Variants in SLIT2 observed in about 807,000 individuals in gnomAD.
SLIT2 encodes the protein slit homolog 2 protein.
A neutral mutation model predicts 185.7 loss-of-function variants in SLIT2; 41 were observed. The observed-to-expected ratio is 0.22, with a 90% CI of 0.17 to 0.29. The LOEUF (loss-of-function observed/expected upper bound fraction) is 0.29. Ranked by LOEUF, SLIT2 falls within the 10% of genes least tolerant of loss-of-function variation. The pLI is 1.00. For missense variants in SLIT2, 1,571 were observed against 1,909.0 expected, an observed-to-expected ratio of 0.82 and a Z score of 3.30; for synonymous variants, 693 against 680.2, an observed-to-expected ratio of 1.02 and a Z score of -0.29.
At chr4:20,481,478 A>C (rs1716694751) in intron 6 of SLIT2, among the ~76,000 whole-genome samples, 1 of 152,142 alleles carries the variant, frequency 6.6e-6, no homozygotes, top group Non-Finnish European at 1.5e-5. Flanking sequence ...TATGCCGCCT[A>C]TACATTTTTC....
At chr4:20,510,352 A>G in intron 9 of SLIT2, 143 bp from the exon 10 acceptor site, 1 of 652,858 alleles carries the variant, frequency 1.5e-6, no homozygotes, top group East Asian at 2.7e-5. Context: ...AGAAAAATTA[A>G]ATTTAGTACT....
intron 4 of SLIT2, among the ~76,000 whole-genome samples, chr4:20,357,954 T>G (rs1045464675): frequency 6.6e-6 from 1 of 152,140 alleles, no homozygotes; most frequent in Non-Finnish European, 1.5e-5. Flanking sequence ...TCCTTATTTA[T>G]TTAAGGAATT....
At chr4:20,317,406 A>G (rs1718699022) in intron 4 of SLIT2, among the ~76,000 whole-genome samples, 1 of 152,072 alleles carries the variant, frequency 6.6e-6, no homozygotes, top group African/African-American at 2.4e-5. Context: ...ACCCTACAGC[A>G]TAGCAAATTC....
At chr4:20,450,520 C>T (rs1712354307) in intron 4 of SLIT2, among the ~76,000 whole-genome samples, 1 of 152,092 alleles carries the variant, frequency 6.6e-6, no homozygotes, top group African/African-American at 2.4e-5. Flanking sequence ...TGCCAGAGAA[C>T]ACATGACTCA....
intron 4 of SLIT2, among the ~76,000 whole-genome samples, chr4:20,309,345 G>A (rs1466684735): frequency 6.6e-6 from 1 of 151,896 alleles, no homozygotes; most frequent in Non-Finnish European, 1.5e-5. Context: ...TTTAGTTTTA[G>A]AATAAAGCAG....
intron 9 of SLIT2, among the ~76,000 whole-genome samples, chr4:20,507,941 A>G (rs780078887): frequency 6.6e-6 from 1 of 151,986 alleles, no homozygotes; most frequent in Non-Finnish European, 1.5e-5. Flanking sequence ...TATTGATTAC[A>G]TTTTAAGCTT....
At chr4:20,313,906 G>A (rs999109140) in intron 4 of SLIT2, among the ~76,000 whole-genome samples, 1 of 152,156 alleles carries the variant, frequency 6.6e-6, no homozygotes, top group Non-Finnish European at 1.5e-5. Flanking sequence ...GATCAGCACT[G>A]GTCCAGGCCC....
chr4:20,533,904 T>C (rs1722033820), intron 18 of SLIT2, among the ~76,000 whole-genome samples, 189 bp downstream of exon 18: 1 of 148,574 alleles, frequency 6.7e-6, no homozygotes, highest in African/African-American at 2.5e-5. Context: ...GATGGTCCCT[T>C]ACCCCAATAT....
intron 4 of SLIT2, among the ~76,000 whole-genome samples, chr4:20,291,492 ATTTTTTTTTTTTTTTTTTTTT>A (rs1157453738): frequency 0.037 from 675 of 18,134 alleles, 8 homozygotes; most frequent in South Asian, 0.093. Context: ...ATATATATAT[ATTTTTTTTTTTTTTTTTTTTT>A]TTTTTTTTTT....
chr4:20,393,647 A>G (rs1021362582), intron 4 of SLIT2: 2 of 152,112 alleles, frequency 1.3e-5, no homozygotes, highest in Non-Finnish European at 2.9e-5. Flanking sequence ...TGGAAAATAC[A>G]TGACTAAGCC....
intron 4 of SLIT2, among the ~76,000 whole-genome samples, chr4:20,378,918 A>T (rs1724250474): frequency 6.6e-6 from 1 of 152,160 alleles, no homozygotes; most frequent in Non-Finnish European, 1.5e-5. Context: ...AAGAGAAATG[A>T]ACTGTGAAAC....
At chr4:20,272,138 A>G (rs1713690531) in intron 4 of SLIT2, among the ~76,000 whole-genome samples, 1 of 152,072 alleles carries the variant, frequency 6.6e-6, no homozygotes, top group African/African-American at 2.4e-5. Context: ...TATCCAGTCC[A>G]TTAACAGAAC....
intron 3 of SLIT2, among the ~76,000 whole-genome samples, chr4:20,266,746 C>T (rs987114762): frequency 1.3e-5 from 2 of 152,038 alleles, no homozygotes; most frequent in Non-Finnish European, 2.9e-5. Flanking sequence ...GAGACCAGTA[C>T]ATGAATAAAT....
At chr4:20,551,873 C>T (rs541796284) in intron 25 of SLIT2, among the ~76,000 whole-genome samples, 58 of 152,300 alleles carry the variant, frequency 3.8e-4, no homozygotes, top group African/African-American at 1.3e-3. Flanking sequence ...CAAAAGTCTA[C>T]GCTTTTACAT....
intron 23 of SLIT2, 143 bp from the exon 24 acceptor site, chr4:20,548,914 A>G: frequency 1.6e-6 from 1 of 611,748 alleles, no homozygotes; most frequent in Non-Finnish European, 2.9e-6. Flanking sequence ...TAGGGAGACA[A>G]CACACAAAAA....
intron 34 of SLIT2, among the ~76,000 whole-genome samples, chr4:20,610,999 G>C (rs1212199271): frequency 6.6e-6 from 1 of 152,150 alleles, no homozygotes; most frequent in African/African-American, 2.4e-5. Flanking sequence ...AATATAAACT[G>C]GAGGCATAGA....
chr4:20,268,959 T>C, intron 4 of SLIT2, 78 bp downstream of exon 4: 1 of 874,204 alleles, frequency 1.1e-6, no homozygotes, highest in Non-Finnish European at 2.0e-6. Context: ...TCTGTTTGTG[T>C]GTGCTTTCCT....
intron 34 of SLIT2, among the ~76,000 whole-genome samples, chr4:20,610,673 A>G (rs1360225369): frequency 6.6e-6 from 1 of 152,198 alleles, no homozygotes; most frequent in African/African-American, 2.4e-5. Context: ...GGATGATAGG[A>G]TAAGTATCAC....
intron 16 of SLIT2, among the ~76,000 whole-genome samples, chr4:20,531,417 A>T (rs1292682851): frequency 6.6e-6 from 1 of 152,228 alleles, no homozygotes; most frequent in African/African-American, 2.4e-5. Flanking sequence ...CAGACTAGGA[A>T]AATTAGTAAA....
Sources: allele counts gnomAD v4.1 joint callset (sites outside exome capture counted in the v4.1 genomes callset), GRCh38; gene constraint gnomAD v4.1.1; transcripts MANE v1.5; gene names NCBI Gene and HGNC (gene_info 2026-07-23, HGNC 2026-07-21).